The following NCK2 variants were observed in gnomAD, a reference collection of about 807,000 sequenced individuals.
The protein encoded by NCK2 is NCK adaptor protein 2, also known as cytoplasmic protein NCK2.
In NCK2, 16 loss-of-function variants were observed where a neutral mutation model predicts 33.9. That is an observed-to-expected ratio of 0.47 (90% CI 0.32 to 0.72). NCK2 has a LOEUF of 0.72. NCK2 is among the 30% of genes least tolerant of loss of function. The probability of loss-of-function intolerance (pLI) is 0.03; values close to 1 mark genes in which losing one functional copy is unlikely to be tolerated. For missense variants in NCK2, 418 were observed against 537.3 expected, an observed-to-expected ratio of 0.78 and a Z score of 2.19; for synonymous variants, 273 against 239.9, an observed-to-expected ratio of 1.14 and a Z score of -1.27.
chr2:105,855,337 C>A, intron 3 of NCK2, 48 bp downstream of exon 3: 2 of 1,352,430 alleles, frequency 1.5e-6, no homozygotes, highest in South Asian at 1.5e-5. Context: ...TTTCAAGGGA[C>A]ACTGTTCGTC....
intron 1 of NCK2, among the ~76,000 whole-genome samples, chr2:105,805,630 C>T (rs968701218): frequency 1.2e-4 from 18 of 152,146 alleles, no homozygotes; most frequent in East Asian, 1.9e-4. Context: ...TGTTAACTAC[C>T]GTTCTACTCT....
In NCK2 at chr2:105,893,011, G is replaced by T. The variant is rs372072439; in HGVS notation, c.978G>T (p.Ala326=). The change falls in exon 5 of 5, where the codon GCG becomes GCT. Residue 326 remains alanine (A), a synonymous_variant. Coordinates refer to ENST00000233154, the MANE Select transcript of NCK2 (RefSeq NM_003581.5). The part of the protein sequence containing the change: ...SPSDFSVSLK[A]SGKNKHFKVQ... ...GCGACTTCTCCGTGTCCCTTAAAGC[G>T]TCAGGGAAGAACAAACACTTCAAGG... 1 of 1,613,384 alleles carries T rather than the reference G, an allele frequency of 6.2e-7. No individual in the cohort carries two copies.
intron 1 of NCK2, among the ~76,000 whole-genome samples, chr2:105,760,269 A>G (rs980068936): frequency 2.6e-5 from 4 of 152,164 alleles, no homozygotes; most frequent in Admixed American, 6.5e-5. Flanking sequence ...AGGTGATAGG[A>G]TAGGATGGTG....
chr2:105,780,498 A>G (rs1446140691), intron 1 of NCK2, among the ~76,000 whole-genome samples: 1 of 152,162 alleles, frequency 6.6e-6, no homozygotes, highest in South Asian at 2.1e-4. Context: ...ATCCATATAG[A>G]TGTTGAATAA....
At chr2:105,756,355 A>T (rs1689599140) in intron 1 of NCK2, among the ~76,000 whole-genome samples, 1 of 152,156 alleles carries the variant, frequency 6.6e-6, no homozygotes, top group Non-Finnish European at 1.5e-5. Context: ...CCCTTTCTTC[A>T]GTCATCCTAT....
At chr2:105,776,230 C>T (rs373451037) in intron 1 of NCK2, among the ~76,000 whole-genome samples, 4 of 152,360 alleles carry the variant, frequency 2.6e-5, no homozygotes, top group South Asian at 2.1e-4. Context: ...CCCCAACTTC[C>T]GTCCCAGCGA....
At chr2:105,864,110 G>T (rs922795348) in intron 3 of NCK2, among the ~76,000 whole-genome samples, 1 of 152,092 alleles carries the variant, frequency 6.6e-6, no homozygotes, top group African/African-American at 2.4e-5. Context: ...CTGGGGTGGG[G>T]CATGCCACAC....
chr2:105,820,827 A>T (rs1675700432), intron 2 of NCK2, among the ~76,000 whole-genome samples: 1 of 152,230 alleles, frequency 6.6e-6, no homozygotes, highest in African/African-American at 2.4e-5. Flanking sequence ...AATGGACAGA[A>T]GGATGGTGTA....
At position 105,750,153 on chromosome 2, in the gene NCK2, G is replaced by A. The variant is rs142017493; in HGVS notation, c.-201+5015G>A. Among the ~76,000 whole-genome samples, 257 of 152,170 alleles carry A rather than the reference G, an allele frequency of 1.7e-3. 1 individual carries two copies. Among genetic ancestry groups the A allele is most frequent in the African/African-American group, 5.6e-3 (231 of 41,502 alleles). On this transcript the variant is annotated intron_variant, in intron 1 of 4. Coordinates refer to ENST00000233154, the MANE Select transcript of NCK2 (RefSeq NM_003581.5). ...GAGGCTGGAAGTCCATGACCCCGGGGCCGGCAGGGCTGGTTTCTGGTGAGT... is the reference window on the plus strand; with the variant it reads ...GAGGCTGGAAGTCCATGACCCCGGGACCGGCAGGGCTGGTTTCTGGTGAGT...
At chr2:105,773,154 C>T (rs1258477794) in intron 1 of NCK2, among the ~76,000 whole-genome samples, 1 of 151,986 alleles carries the variant, frequency 6.6e-6, no homozygotes, top group Non-Finnish European at 1.5e-5. Context: ...CTGCCTCAGC[C>T]TCCCAAAGTG....
intron 2 of NCK2, among the ~76,000 whole-genome samples, chr2:105,835,409 G>GTGTATATATATATATA (rs56250020): frequency 5.1e-5 from 3 of 59,308 alleles, no homozygotes; most frequent in African/African-American, 1.2e-4. Flanking sequence ...ATATATACGT[G>GTGTATATATATATATA]TATATATATA....
intron 2 of NCK2, among the ~76,000 whole-genome samples, chr2:105,822,953 G>T (rs1302821298): frequency 3.3e-5 from 5 of 151,970 alleles, no homozygotes; most frequent in African/African-American, 4.9e-5. Flanking sequence ...CTCTGTCCTT[G>T]TCCTTAAGAG....
chr2:105,769,875 A>G (rs1273221148), intron 1 of NCK2, among the ~76,000 whole-genome samples: 1 of 152,124 alleles, frequency 6.6e-6, no homozygotes, highest in Non-Finnish European at 1.5e-5. Flanking sequence ...TCCGTGTGTG[A>G]TGTTTCTTTG....
chr2:105,773,180 T>C (rs929935715), intron 1 of NCK2, among the ~76,000 whole-genome samples: 1 of 152,008 alleles, frequency 6.6e-6, no homozygotes, highest in East Asian at 1.9e-4. Flanking sequence ...ATTACAGGCA[T>C]GAGCCACCTA....
chr2:105,815,979 A>G (rs1057042641), intron 1 of NCK2, among the ~76,000 whole-genome samples: 4 of 151,444 alleles, frequency 2.6e-5, no homozygotes, highest in African/African-American at 9.7e-5. Context: ...ACACCCCATC[A>G]CCTCCTTCCA....
At chr2:105,803,255 CAT>C (rs1035185754) in intron 1 of NCK2, among the ~76,000 whole-genome samples, 23 of 152,102 alleles carry the variant, frequency 1.5e-4, no homozygotes, top group African/African-American at 4.6e-4. Flanking sequence ...AGATAGCACA[CAT>C]GTGTTTTAGA....
chr2:105,801,971 T>C (rs1674858271), intron 1 of NCK2, among the ~76,000 whole-genome samples: 1 of 152,132 alleles, frequency 6.6e-6, no homozygotes. Context: ...TTTTGTAGAT[T>C]GGTAGCGATT....
intron 1 of NCK2, among the ~76,000 whole-genome samples, chr2:105,806,327 TC>T (rs535125362): frequency 6.7e-4 from 99 of 148,148 alleles, no homozygotes; most frequent in African/African-American, 2.5e-3. Context: ...AAGCTCCGCC[TC>T]CCGGGTTCAC....
At chr2:105,851,185 T>C (rs1461157033) in intron 2 of NCK2, among the ~76,000 whole-genome samples, 1 of 152,002 alleles carries the variant, frequency 6.6e-6, no homozygotes, top group Non-Finnish European at 1.5e-5. Context: ...ATAACTCAGC[T>C]TCAGAACAAA....
Sources: allele counts gnomAD v4.1 joint callset (sites outside exome capture counted in the v4.1 genomes callset), GRCh38; gene constraint gnomAD v4.1.1; transcripts MANE v1.5; gene names NCBI Gene and HGNC (gene_info 2026-07-23, HGNC 2026-07-21).